The following AUTS2 variants were observed in gnomAD, a reference collection of about 807,000 sequenced individuals.
AUTS2 encodes the protein autism susceptibility gene 2 protein.
In AUTS2, 17 loss-of-function variants were observed where a neutral mutation model predicts 112.4. The observed-to-expected ratio is 0.15, with a 90% CI of 0.10 to 0.23. The LOEUF is 0.23. Among genes scored for constraint, AUTS2 ranks in the 10% least tolerant of loss-of-function variants. The probability of loss-of-function intolerance (pLI) is 1.00; values close to 1 mark genes in which losing one functional copy is unlikely to be tolerated. For synonymous variants in AUTS2, 751 were observed against 702.7 expected, an observed-to-expected ratio of 1.07 and a Z score of -1.09; for missense variants, 1,510 against 1,701.6, an observed-to-expected ratio of 0.89 and a Z score of 1.98.
chr7:69,980,271 T>C (rs564492774), intron 2 of AUTS2, among the ~76,000 whole-genome samples: 1 of 152,286 alleles, frequency 6.6e-6, no homozygotes, highest in East Asian at 1.9e-4. Flanking sequence ...TTTTAAAACT[T>C]ATTTTTCTCT....
At chr7:70,389,866 G>A (rs565582964) in intron 4 of AUTS2, among the ~76,000 whole-genome samples, 9 of 152,186 alleles carry the variant, frequency 5.9e-5, no homozygotes, top group South Asian at 2.1e-4. Context: ...AAAAAATTAC[G>A]GGTGCAATGT....
At chr7:69,962,612 ATTCT>A (rs1380386539) in intron 2 of AUTS2, among the ~76,000 whole-genome samples, 7 of 151,988 alleles carry the variant, frequency 4.6e-5, no homozygotes, top group Admixed American at 2.6e-4. Flanking sequence ...TCATTTGCAA[ATTCT>A]TTCTTTGAGG....
At chr7:70,646,427 C>G (rs189264154) in intron 5 of AUTS2, among the ~76,000 whole-genome samples, 1 of 152,272 alleles carries the variant, frequency 6.6e-6, no homozygotes, top group Admixed American at 6.5e-5. Flanking sequence ...TAAGGTCAGC[C>G]GTCAAGCGTG....
chr7:69,675,323 A>G (rs1415229640), intron 1 of AUTS2, among the ~76,000 whole-genome samples: 2 of 152,200 alleles, frequency 1.3e-5, no homozygotes, highest in Non-Finnish European at 2.9e-5. Flanking sequence ...CTTTTAAAAA[A>G]TAATTTTACA....
chr7:70,787,455 G>C, intron 18 of AUTS2, 24 bp downstream of exon 18: 1 of 1,535,352 alleles, frequency 6.5e-7, no homozygotes, highest in Non-Finnish European at 8.9e-7. Context: ...CCGCTCTCGA[G>C]TCCCCACGGG....
chr7:69,688,786 C>T (rs778769149), intron 1 of AUTS2, among the ~76,000 whole-genome samples: 1 of 152,138 alleles, frequency 6.6e-6, no homozygotes, highest in Non-Finnish European at 1.5e-5. Flanking sequence ...CTTCCCCACA[C>T]CCCCTTGTTT....
intron 4 of AUTS2, chr7:70,290,585 G>T: frequency 6.9e-7 from 1 of 1,446,312 alleles, no homozygotes; most frequent in South Asian, 1.5e-5. Flanking sequence ...CTGTTAGCGT[G>T]ACCCCAATGA....
intron 5 of AUTS2, among the ~76,000 whole-genome samples, chr7:70,651,107 C>G (rs1806483301): frequency 3.3e-5 from 5 of 152,212 alleles, no homozygotes; most frequent in Admixed American, 3.3e-4. Context: ...AGATAAAGTT[C>G]TAAGCACTTT....
intron 5 of AUTS2, among the ~76,000 whole-genome samples, chr7:70,480,798 G>T (rs1372898696): frequency 6.6e-6 from 1 of 152,178 alleles, no homozygotes; most frequent in Non-Finnish European, 1.5e-5. Flanking sequence ...GATAAGCTTA[G>T]GAACTCAGAG....
chr7:69,857,165 A>C (rs1419765574), intron 1 of AUTS2, among the ~76,000 whole-genome samples: 1 of 152,154 alleles, frequency 6.6e-6, no homozygotes, highest in Non-Finnish European at 1.5e-5. Context: ...TCACACATAC[A>C]CTTAGAGGGC....
At chr7:70,030,574 T>C (rs1483156071) in intron 2 of AUTS2, among the ~76,000 whole-genome samples, 1 of 152,110 alleles carries the variant, frequency 6.6e-6, no homozygotes, top group Non-Finnish European at 1.5e-5. Flanking sequence ...TATACCCTTC[T>C]CCTTCTTGAA....
intron 4 of AUTS2, among the ~76,000 whole-genome samples, chr7:70,237,443 T>C (rs1367164842): frequency 6.6e-6 from 1 of 152,202 alleles, no homozygotes; most frequent in Non-Finnish European, 1.5e-5. Flanking sequence ...ACTGACACTA[T>C]TAACCATTCT....
intron 1 of AUTS2, among the ~76,000 whole-genome samples, chr7:69,731,586 A>G (rs1462810975): frequency 6.6e-6 from 1 of 152,172 alleles, no homozygotes; most frequent in Non-Finnish European, 1.5e-5. Flanking sequence ...GAGCCCTTTC[A>G]CATGCTGTTT....
intron 4 of AUTS2, among the ~76,000 whole-genome samples, chr7:70,308,942 G>A (rs1021269236): frequency 3.3e-5 from 5 of 152,190 alleles, no homozygotes; most frequent in Non-Finnish European, 5.9e-5. Flanking sequence ...GGTGCACTGA[G>A]CAGTCCCGTT....
At chr7:69,918,163 A>G (rs1167897071) in intron 2 of AUTS2, among the ~76,000 whole-genome samples, 1 of 152,178 alleles carries the variant, frequency 6.6e-6, no homozygotes, top group Non-Finnish European at 1.5e-5. Flanking sequence ...TTTTAAACTA[A>G]GAAAATGTTC....
intron 1 of AUTS2, among the ~76,000 whole-genome samples, chr7:69,655,868 C>T (rs1326433156): frequency 4.6e-5 from 7 of 152,182 alleles, no homozygotes; most frequent in African/African-American, 1.4e-4. Flanking sequence ...GTTTCAGTCA[C>T]CCTCTGGGCT....
chr7:69,928,946 A>G (rs953284843), intron 2 of AUTS2, among the ~76,000 whole-genome samples: 5 of 152,144 alleles, frequency 3.3e-5, no homozygotes, highest in African/African-American at 1.2e-4. Context: ...TGCCACCATC[A>G]ATGTGGTTAC....
intron 4 of AUTS2, among the ~76,000 whole-genome samples, chr7:70,280,967 G>A (rs1173108053): frequency 8.6e-5 from 13 of 151,986 alleles, no homozygotes; most frequent in Admixed American, 7.9e-4. Flanking sequence ...CATGGACCTG[G>A]CAAATAGTGT....
At chr7:70,036,000 C>T (rs186240857) in intron 2 of AUTS2, among the ~76,000 whole-genome samples, 1 of 152,238 alleles carries the variant, frequency 6.6e-6, no homozygotes, top group East Asian at 1.9e-4. Context: ...GTAATACTTA[C>T]AAAATGTGGT....
Sources: allele counts gnomAD v4.1 joint callset (sites outside exome capture counted in the v4.1 genomes callset), GRCh38; gene constraint gnomAD v4.1.1; transcripts MANE v1.5; gene names NCBI Gene and HGNC (gene_info 2026-07-23, HGNC 2026-07-21).